LPAR4: variants seen among roughly 807,000 people sequenced by gnomAD.
The protein encoded by LPAR4 is lysophosphatidic acid receptor 4.
In LPAR4, 14 loss-of-function variants were observed where a neutral mutation model predicts 9.2. The ratio of observed to expected loss-of-function variants is 1.51; its 90% confidence interval spans 1.00 to 2.37. LPAR4 has a LOEUF of 2.37. Among genes scored for constraint, LPAR4 ranks in the 30% most tolerant of loss-of-function variants. The pLI is 0.00. For synonymous variants in LPAR4, 131 were observed against 97.9 expected (o/e 1.34, Z -1.99); for missense variants, 251 against 272.1 (o/e 0.92, Z 0.55).
In LPAR4 at chrX:78,756,336, G is replaced by C. The variant is rs557122612; in HGVS notation, c.*354G>C. 6.8e-4 allele frequency: 100 copies of C among 147,442 alleles called. No individual in the cohort carries two copies. Among genetic ancestry groups the C allele is most frequent in the South Asian group, 5.9e-3 (19 of 3,200 alleles). 12.2% of individuals were successfully genotyped at this position (147,442 alleles called of 1,213,427 possible). ...TAATTAGGTTGGGCCTATAAATATA[G>C]AACAAATTCAGGGATTTTTAAAAAA... is the stretch of plus-strand genomic sequence containing the variant. On this transcript the variant is annotated 3_prime_UTR_variant, in exon 5 of 5. Transcript: ENST00000614823.
chrX:78,754,459 G>C (rs1288114315), intron 4 of LPAR4, among the ~76,000 whole-genome samples: 1 of 111,732 alleles, frequency 8.9e-6, no homozygotes, highest in Non-Finnish European at 1.9e-5. Context: ...CGATCATAGT[G>C]AATAAAGCCT....
At chrX:78,750,962 A>G (rs1028226105) in intron 3 of LPAR4, among the ~76,000 whole-genome samples, 170 bp downstream of exon 3, 5 of 111,084 alleles carry the variant, frequency 4.5e-5, no homozygotes, top group Admixed American at 3.8e-4. Flanking sequence ...CAATACTACT[A>G]AAAAAATATA....
In LPAR4 at chrX:78,755,963, T is replaced by C; in HGVS notation, c.1094T>C (p.Met365Thr). Residue 365 changes from methionine (M) to threonine (T), a missense_variant, in exon 5 of 5, where the codon ATG becomes ACG. Physicochemically the swap from Met to Thr is moderately conservative, Grantham distance 81. Coordinates refer to ENST00000614823, the MANE Select transcript of LPAR4 (RefSeq NM_001278000.3). ...ACAACAAATAATGGTGGTGAATTAA[T>C]GCTAGAATCCACCTTTTAGGTATGA... is the stretch of plus-strand genomic sequence containing the variant. Reference protein sequence around the residue: ...DQTTNNGGELMLESTF With the variant: ...DQTTNNGGELTLESTF The C allele has an allele frequency of 6.6e-6, 8 of 1,204,911 alleles. No individual in the cohort carries two copies. Among genetic ancestry groups the C allele is most frequent in the Non-Finnish European group, 9.0e-6 (8 of 891,128 alleles).
At chrX:78,752,101 G>A (rs1470533534) in intron 4 of LPAR4, among the ~76,000 whole-genome samples, 1 of 111,279 alleles carries the variant, frequency 9.0e-6, no homozygotes, top group Admixed American at 9.5e-5. Context: ...ATAAAATGGA[G>A]AGACAAAGCA....
At position 78,757,061 on chromosome X, in the gene LPAR4, C is replaced by A. The variant is rs1925332290; in HGVS notation, c.*1079C>A. On this transcript the variant is annotated 3_prime_UTR_variant, in exon 5 of 5. Transcript: ENST00000614823. Reference sequence around the variant, plus strand: ...TAGCCAGGAGCTGCTGAATTTGTGCCCCTGGATTGGAAGCAAATAAAAAAA... The same window carrying A: ...TAGCCAGGAGCTGCTGAATTTGTGCACCTGGATTGGAAGCAAATAAAAAAA... 1 of 118,518 alleles carries A rather than the reference C, an allele frequency of 8.4e-6. No homozygotes were observed. 9.8% of individuals were successfully genotyped at this position (118,518 alleles called of 1,213,427 possible).
chrX:78,748,509 T>A (rs1234164324), intron 1 of LPAR4, among the ~76,000 whole-genome samples: 2 of 112,212 alleles, frequency 1.8e-5, no homozygotes, highest in Non-Finnish European at 3.8e-5. Flanking sequence ...AAAGGAAGAA[T>A]CATGTTTGAA....
chrX:78,753,451 G>A (rs1430938778), intron 4 of LPAR4, among the ~76,000 whole-genome samples: 1 of 111,779 alleles, frequency 8.9e-6, no homozygotes, highest in African/African-American at 3.2e-5. Flanking sequence ...CTCCTGGATT[G>A]TCCTGTTTGA....
chrX:78,752,504 A>G (rs936868196), intron 4 of LPAR4, among the ~76,000 whole-genome samples: 2 of 111,994 alleles, frequency 1.8e-5, no homozygotes, highest in Non-Finnish European at 3.8e-5. Context: ...CTTCACTGCT[A>G]AGTATCTATA....
At chrX:78,754,140 A>G (rs1361864518) in intron 4 of LPAR4, among the ~76,000 whole-genome samples, 1 of 111,816 alleles carries the variant, frequency 8.9e-6, no homozygotes, top group Non-Finnish European at 1.9e-5. Flanking sequence ...ATATTAAAAC[A>G]TCGCCTCGTA....
chrX:78,755,301 T>C lies in LPAR4; in HGVS notation c.432T>C (p.Phe144=). The change falls in exon 5 of 5, where the codon TTT becomes TTC. Residue 144 remains phenylalanine (F), a synonymous_variant. Transcript: ENST00000614823. The part of the protein sequence containing the change: ...VDRFLAIVYP[F]RSRTIRTRRN... Reference sequence around the variant, plus strand: ...GTTTCCTGGCCATTGTCTATCCTTTTCGATCTCGTACTATTAGGACTAGGA... The same window carrying C: ...GTTTCCTGGCCATTGTCTATCCTTTCCGATCTCGTACTATTAGGACTAGGA... 1 of 1,209,003 alleles carries C rather than the reference T, an allele frequency of 8.3e-7. No individual in the cohort carries two copies. Among genetic ancestry groups the C allele is most frequent in the Non-Finnish European group, 1.1e-6 (1 of 893,846 alleles).
rs138732731 is a variant in LPAR4 at position 78,754,223 on chromosome X, C to T, written c.-79-568C>T. On this transcript the variant is annotated intron_variant, in intron 4 of 4. Coordinates refer to ENST00000614823, the MANE Select transcript of LPAR4 (RefSeq NM_001278000.3). ...AAATAAAAAATAAAATGATTGAAATCATAAAAAATCTGAATGGAAAACTGG... is the reference window on the plus strand; with the variant it reads ...AAATAAAAAATAAAATGATTGAAATTATAAAAAATCTGAATGGAAAACTGG... 7.1e-3 allele frequency among the ~76,000 whole-genome samples: 792 copies of T among 111,116 alleles called. 5 individuals carry two copies. Among genetic ancestry groups the T allele is most frequent in the African/African-American group, 0.025 (750 of 30,587 alleles).
Position 78,751,241 on chromosome X carries a change from C to G in LPAR4, c.-150C>G, listed in dbSNP as rs1169028604. 9.0e-6 allele frequency: 1 copy of G among 111,242 alleles called. No individual in the cohort carries two copies. The highest frequency in any genetic ancestry group is 1.9e-5 in the Non-Finnish European group (1 of 52,939). 9.2% of individuals were successfully genotyped at this position (111,242 alleles called of 1,213,427 possible). A position where few individuals can be genotyped will look rare whatever the true frequency, so the allele number is the denominator to read the frequency against. On this transcript the variant is annotated 5_prime_UTR_variant, in exon 4 of 5. Transcript: ENST00000614823. Reference sequence around the variant, plus strand: ...TTGGAGGAAATCTCTAACTACAGTGCCTCCAGGAAACTCATTGGTTATTCC... The same window carrying G: ...TTGGAGGAAATCTCTAACTACAGTGGCTCCAGGAAACTCATTGGTTATTCC...
rs898742647 is a variant in LPAR4 at position 78,756,776 on chromosome X, G to A, written c.*794G>A. On this transcript the variant is annotated 3_prime_UTR_variant, in exon 5 of 5. Transcript: ENST00000614823. ...AACATATTTTTTCTTAAAATGTCACGTTATCTTCATTTTGGGAAACTAGGT... is the reference window on the plus strand; with the variant it reads ...AACATATTTTTTCTTAAAATGTCACATTATCTTCATTTTGGGAAACTAGGT... 4.1e-5 allele frequency: 5 copies of A among 121,300 alleles called. No individual in the cohort carries two copies. Among genetic ancestry groups the A allele is most frequent in the African/African-American group, 9.9e-5 (3 of 30,268 alleles). The allele number at this position is 121,300 out of a possible 1,213,427, so 10.0% of individuals were successfully genotyped here.
chrX:78,752,349 G>A (rs1569555846), intron 4 of LPAR4, among the ~76,000 whole-genome samples: 1 of 111,784 alleles, frequency 8.9e-6, no homozygotes, highest in Non-Finnish European at 1.9e-5. Flanking sequence ...CTGTATGAGT[G>A]TGACCTATGC....
At position 78,747,750 on chromosome X, in the gene LPAR4, G is replaced by A. The variant is rs750335715; in HGVS notation, c.-579G>A. The A allele has an allele frequency of 1.8e-5, 2 of 108,515 alleles. No individual in the cohort carries two copies. The highest frequency in any genetic ancestry group is 2.9e-4 in the East Asian group (1 of 3,493). 8.9% of individuals were successfully genotyped at this position (108,515 alleles called of 1,213,427 possible). On this transcript the variant is annotated 5_prime_UTR_variant, in exon 1 of 5. Transcript: ENST00000614823. ...TGTGTCCTGTTTGCTAAAGGCATGCGGGCTACAGCATTCAAGAGAGGGAGT... is the reference window on the plus strand; with the variant it reads ...TGTGTCCTGTTTGCTAAAGGCATGCAGGCTACAGCATTCAAGAGAGGGAGT...
In LPAR4 at chrX:78,753,518, A is replaced by G. The variant is rs571640674; in HGVS notation, c.-79-1273A>G. ...GGGAGCTTTCTGAGGCACAAGGTATACATGACACTAGAAGGATGTGTTCCT... is the reference window on the plus strand; with the variant it reads ...GGGAGCTTTCTGAGGCACAAGGTATGCATGACACTAGAAGGATGTGTTCCT... On this transcript the variant is annotated intron_variant, in intron 4 of 4. Coordinates refer to ENST00000614823, the MANE Select transcript of LPAR4 (RefSeq NM_001278000.3). Among the ~76,000 whole-genome samples the G allele has an allele frequency of 9.8e-5, 11 of 112,238 alleles. No individual in the cohort carries two copies. In the South Asian group the frequency reaches 4.1e-3, roughly 42 times the overall value.
chrX:78,757,408 A>T lies in LPAR4; in HGVS notation c.*1426A>T, dbSNP rs764293255. Among the ~76,000 whole-genome samples, 1 of 111,884 alleles carries T rather than the reference A, an allele frequency of 8.9e-6. No individual in the cohort carries two copies. Among genetic ancestry groups the T allele is most frequent in the Non-Finnish European group, 1.9e-5 (1 of 53,055 alleles). On this transcript the variant is annotated 3_prime_UTR_variant, in exon 5 of 5. Coordinates refer to ENST00000614823, the MANE Select transcript of LPAR4 (RefSeq NM_001278000.3). ...GCATCTGCGAAACTTACAAAACACT[A>T]TAACATTCATATAATGCTTTGGATC...
intron 4 of LPAR4, 24 bp from the exon 5 acceptor site, chrX:78,754,767 T>C (rs1374426450): frequency 1.5e-6 from 1 of 670,490 alleles, no homozygotes; most frequent in Non-Finnish European, 2.2e-6. Context: ...AATTTGATTA[T>C]TTGTTCCATC....
At chrX:78,753,751 G>T (rs1925171289) in intron 4 of LPAR4, among the ~76,000 whole-genome samples, 1 of 111,977 alleles carries the variant, frequency 8.9e-6, no homozygotes, top group African/African-American at 3.2e-5. Flanking sequence ...GGAAGAGAGA[G>T]AGTATAGCCA....
Sources: allele counts gnomAD v4.1 joint callset (sites outside exome capture counted in the v4.1 genomes callset), GRCh38; gene constraint gnomAD v4.1.1; transcripts MANE v1.5; gene names NCBI Gene and HGNC (gene_info 2026-07-23, HGNC 2026-07-21).